The following KCNMB2 variants were observed in gnomAD, a reference collection of about 807,000 sequenced individuals.
The protein encoded by KCNMB2 is potassium calcium-activated channel subfamily M regulatory beta subunit 2, also known as calcium-activated potassium channel subunit beta-2.
Under a neutral mutation model 24.5 loss-of-function variants are expected in KCNMB2, and 9 were observed. The ratio of observed to expected loss-of-function variants is 0.37; its 90% CI spans 0.22 to 0.64. KCNMB2 has a LOEUF of 0.64. Among genes scored for constraint, KCNMB2 ranks in the 30% least tolerant of loss-of-function variants. KCNMB2 has a pLI of 0.63. For missense variants in KCNMB2, 226 were observed against 284.3 expected (o/e 0.79, Z 1.47); for synonymous variants, 109 against 104.4 (o/e 1.04, Z -0.27).
intron 1 of KCNMB2, among the ~76,000 whole-genome samples, chr3:178,537,827 A>C (rs974217855): frequency 2.0e-5 from 3 of 152,156 alleles, no homozygotes; most frequent in African/African-American, 7.2e-5. Flanking sequence ...AGCTGTAAAG[A>C]TGTTGCTTTA....
chr3:178,566,133 G>T (rs1383341866), intron 1 of KCNMB2, among the ~76,000 whole-genome samples: 3 of 152,090 alleles, frequency 2.0e-5, no homozygotes, highest in Non-Finnish European at 4.4e-5. Context: ...CTCCTAAAAC[G>T]TCTAAGTAAT....
chr3:178,700,958 T>C (rs2108339927), intron 1 of KCNMB2, among the ~76,000 whole-genome samples: 1 of 152,380 alleles, frequency 6.6e-6, no homozygotes, highest in East Asian at 1.9e-4. Flanking sequence ...CTCTTTAGTT[T>C]AATTAGATCC....
chr3:178,633,983 C>G (rs1189328425), intron 1 of KCNMB2, among the ~76,000 whole-genome samples: 2 of 152,202 alleles, frequency 1.3e-5, no homozygotes, highest in African/African-American at 4.8e-5. Context: ...GTGACCTTTA[C>G]TCCAGTTCCT....
chr3:178,638,196 G>A (rs1050769852), intron 1 of KCNMB2, among the ~76,000 whole-genome samples: 1 of 152,146 alleles, frequency 6.6e-6, no homozygotes, highest in Non-Finnish European at 1.5e-5. Context: ...TCAAAGGACA[G>A]GGAAAAGTCT....
intron 1 of KCNMB2, among the ~76,000 whole-genome samples, chr3:178,586,855 A>G (rs1228733297): frequency 6.6e-6 from 1 of 151,902 alleles, no homozygotes; most frequent in Admixed American, 6.6e-5. Flanking sequence ...CAAAATGCCA[A>G]TCTTTTCTCT....
intron 1 of KCNMB2, among the ~76,000 whole-genome samples, chr3:178,540,034 A>T (rs1715565378): frequency 6.6e-6 from 1 of 152,100 alleles, no homozygotes. Flanking sequence ...CCTACATAAC[A>T]TTTCCACTTA....
intron 1 of KCNMB2, among the ~76,000 whole-genome samples, chr3:178,681,904 C>G (rs1171600218): frequency 6.6e-6 from 1 of 152,168 alleles, no homozygotes. Flanking sequence ...GCTATTTCAT[C>G]AGCATAACCC....
intron 1 of KCNMB2, among the ~76,000 whole-genome samples, chr3:178,724,839 T>C (rs1722915002): frequency 6.6e-6 from 1 of 152,172 alleles, no homozygotes; most frequent in Non-Finnish European, 1.5e-5. Flanking sequence ...TTCAGGGGTC[T>C]GTATTCTCTT....
chr3:178,744,699 A>G lies in KCNMB2; in HGVS notation c.-67-62644A>G, dbSNP rs1342684906. ...CGGGAAACTTCCTGCAAGGACACAT[A>G]GGATCTTGTGGGATCCGAAAAAAAA... On this transcript the variant is annotated intron_variant, in intron 1 of 4. Coordinates refer to ENST00000452583, the MANE Select transcript of KCNMB2 (RefSeq NM_181361.3). Among the ~76,000 whole-genome samples, 5 of 148,912 alleles carry G rather than the reference A, an allele frequency of 3.4e-5. No individual in the cohort carries two copies. In the East Asian group the frequency reaches 5.9e-4, roughly 18 times the overall value.
At chr3:178,791,025 CA>C (rs1473422143) in intron 1 of KCNMB2, among the ~76,000 whole-genome samples, 2 of 152,148 alleles carry the variant, frequency 1.3e-5, no homozygotes, top group Admixed American at 6.5e-5. Flanking sequence ...CTCCAGACTG[CA>C]AAAACTATAA....
chr3:178,735,307 A>T (rs1723281415), intron 1 of KCNMB2, among the ~76,000 whole-genome samples: 1 of 150,370 alleles, frequency 6.7e-6, no homozygotes, highest in South Asian at 2.1e-4. Context: ...CACAGTTCTC[A>T]AAACAGTATG....
chr3:178,583,655 T>C (rs560240603), intron 1 of KCNMB2, among the ~76,000 whole-genome samples: 48 of 152,326 alleles, frequency 3.2e-4, no homozygotes, highest in African/African-American at 1.1e-3. Context: ...AGCTGTGTAA[T>C]CCTGGCAAGT....
At chr3:178,793,200 C>T (rs1409891013) in intron 1 of KCNMB2, among the ~76,000 whole-genome samples, 1 of 152,112 alleles carries the variant, frequency 6.6e-6, no homozygotes, top group Non-Finnish European at 1.5e-5. Flanking sequence ...CATATATGGC[C>T]CTACTCTGGG....
chr3:178,731,938 T>C (rs1374480111), intron 1 of KCNMB2, among the ~76,000 whole-genome samples: 2 of 152,028 alleles, frequency 1.3e-5, no homozygotes, highest in East Asian at 3.9e-4. Flanking sequence ...AGCCTGTAGA[T>C]CTAACTACGA....
chr3:178,562,120 T>C (rs1716337881), intron 1 of KCNMB2, among the ~76,000 whole-genome samples: 1 of 152,248 alleles, frequency 6.6e-6, no homozygotes, highest in Non-Finnish European at 1.5e-5. Context: ...TGCTGGGTTC[T>C]TTGCCTACCT....
chr3:178,541,766 T>C (rs999005481), intron 1 of KCNMB2, among the ~76,000 whole-genome samples: 1 of 152,064 alleles, frequency 6.6e-6, no homozygotes, highest in Non-Finnish European at 1.5e-5. Flanking sequence ...TAGATATGAG[T>C]TCTAAATTTC....
chr3:178,729,621 T>A (rs1159341045), intron 1 of KCNMB2, among the ~76,000 whole-genome samples: 1 of 152,172 alleles, frequency 6.6e-6, no homozygotes, highest in Non-Finnish European at 1.5e-5. Flanking sequence ...AAAAGTTCTT[T>A]TACTAATAAA....
intron 4 of KCNMB2, 55 bp downstream of exon 4, chr3:178,828,428 C>G (rs1714921502): frequency 2.2e-6 from 3 of 1,338,554 alleles, no homozygotes; most frequent in Non-Finnish European, 3.1e-6. Context: ...ACACCAGGCT[C>G]TCTGCCTCTG....
intron 1 of KCNMB2, among the ~76,000 whole-genome samples, chr3:178,791,698 C>T (rs1713330752): frequency 6.6e-6 from 1 of 151,648 alleles, no homozygotes; most frequent in African/African-American, 2.4e-5. Flanking sequence ...ATCAAACTTC[C>T]AAAGGTTAGG....
Sources: allele counts gnomAD v4.1 joint callset (sites outside exome capture counted in the v4.1 genomes callset), GRCh38; gene constraint gnomAD v4.1.1; transcripts MANE v1.5; gene names NCBI Gene and HGNC (gene_info 2026-07-23, HGNC 2026-07-21).